BCL2: variants seen among roughly 807,000 people sequenced by gnomAD.
BCL2 encodes the protein apoptosis regulator Bcl-2.
In BCL2, 1 loss-of-function variant was observed where a neutral mutation model predicts 14.2. The ratio of observed to expected loss-of-function variants is 0.07; its 90% CI spans 0.02 to 0.33. The LOEUF (loss-of-function observed/expected upper bound fraction) is 0.33, where lower values mean the gene tolerates loss of function less well. BCL2 is among the 10% of genes least tolerant of loss of function. BCL2 has a pLI of 0.99. For synonymous variants in BCL2, 151 were observed against 137.2 expected, an observed-to-expected ratio of 1.10 and a Z score of -0.70; for missense variants, 247 against 305.9, an observed-to-expected ratio of 0.81 and a Z score of 1.44.
At chr18:63,269,053 G>T (rs571035511) in intron 2 of BCL2, among the ~76,000 whole-genome samples, 2 of 151,592 alleles carry the variant, frequency 1.3e-5, no homozygotes, top group East Asian at 3.9e-4. Flanking sequence ...GGCTCAAATG[G>T]TCTTCCTGAG....
rs181252525 is a variant in BCL2 at position 63,137,946 on chromosome 18, A to T, written c.586-9187T>A. Among the ~76,000 whole-genome samples, 673 of 152,356 alleles carry T rather than the reference A, an allele frequency of 4.4e-3. 11 individuals carry two copies. Among genetic ancestry groups the T allele is most frequent in the Admixed American group, 0.029 (450 of 15,306 alleles). ...AGACATCTATGCAAACGTAGAGACC[A>T]CTGGGTATGTCCTGATCCTAGATTC... On this transcript the variant is annotated intron_variant, in intron 2 of 2. Coordinates refer to ENST00000333681, the MANE Select transcript of BCL2 (RefSeq NM_000633.3).
intron 2 of BCL2, among the ~76,000 whole-genome samples, chr18:63,311,502 T>G (rs1282240622): frequency 2.0e-5 from 3 of 152,070 alleles, no homozygotes; most frequent in African/African-American, 7.2e-5. Flanking sequence ...CCCTGAAAAA[T>G]TAAAGCTTCA....
intron 2 of BCL2, among the ~76,000 whole-genome samples, chr18:63,135,203 G>A (rs974666903): frequency 1.3e-5 from 2 of 152,184 alleles, no homozygotes; most frequent in Non-Finnish European, 2.9e-5. Flanking sequence ...TGGTTAGAAT[G>A]CTGGCAAGCA....
At chr18:63,303,807 G>T (rs1003177081) in intron 2 of BCL2, among the ~76,000 whole-genome samples, 3 of 152,130 alleles carry the variant, frequency 2.0e-5, no homozygotes, top group Non-Finnish European at 2.9e-5. Flanking sequence ...TGAGGCCAAT[G>T]ACCAATGTTG....
At chr18:63,310,170 T>C (rs899492922) in intron 2 of BCL2, among the ~76,000 whole-genome samples, 4 of 152,138 alleles carry the variant, frequency 2.6e-5, no homozygotes, top group Admixed American at 6.5e-5. Context: ...CCCTACCCCA[T>C]ATATTTTTGA....
At chr18:63,309,169 TG>T (rs1913230802) in intron 2 of BCL2, among the ~76,000 whole-genome samples, 1 of 152,068 alleles carries the variant, frequency 6.6e-6, no homozygotes. Flanking sequence ...TGGGAAAAGG[TG>T]GGGTGCAAAC....
chr18:63,218,636 C>T, intron 2 of BCL2, among the ~76,000 whole-genome samples: 5 of 152,180 alleles, frequency 3.3e-5, no homozygotes, highest in Admixed American at 6.5e-5. Flanking sequence ...ATCCCATCCA[C>T]TCATCCCATC....
intron 2 of BCL2, among the ~76,000 whole-genome samples, chr18:63,181,552 C>T (rs1050699049): frequency 1.3e-5 from 2 of 152,214 alleles, no homozygotes; most frequent in African/African-American, 4.8e-5. Context: ...CCTAAAACAA[C>T]ATTTCAGAAC....
At chr18:63,302,960 G>T in intron 2 of BCL2, 2 of 873,204 alleles carry the variant, frequency 2.3e-6, no homozygotes, top group Non-Finnish European at 2.7e-6. Flanking sequence ...GCTGAAGGTG[G>T]GTTTGTTTTT....
rs544286988 is a variant in BCL2, at chr18:63,150,114, C to T, written c.586-21355G>A. Among the ~76,000 whole-genome samples, 3 of 152,324 alleles carry T rather than the reference C, an allele frequency of 2.0e-5. No homozygotes were observed. In the South Asian group the frequency reaches 6.2e-4, roughly 32 times the overall value. On this transcript the variant is annotated intron_variant, in intron 2 of 2. Coordinates refer to ENST00000333681, the MANE Select transcript of BCL2 (RefSeq NM_000633.3). ...GCCAGGCTGGCCTGAAACTCCTGAC[C>T]TCAAGTGATCCTCCTGACTCAGCCT...
At chr18:63,314,998 C>T (rs777012533) in intron 2 of BCL2, 1 of 152,176 alleles carries the variant, frequency 6.6e-6, no homozygotes, top group Non-Finnish European at 1.5e-5. Flanking sequence ...CCAAGTAACA[C>T]TATAGATCTT....
chr18:63,306,026 T>C (rs1437828074), intron 2 of BCL2, among the ~76,000 whole-genome samples: 1 of 152,038 alleles, frequency 6.6e-6, no homozygotes, highest in African/African-American at 2.4e-5. Flanking sequence ...AGTGAACCGA[T>C]ATGGTGCCAC....
chr18:63,150,605 A>G (rs1914629631), intron 2 of BCL2, among the ~76,000 whole-genome samples: 1 of 151,910 alleles, frequency 6.6e-6, no homozygotes, highest in African/African-American at 2.4e-5. Flanking sequence ...ACTTCTATGT[A>G]TTTTCCGTGT....
chr18:63,140,087 C>G (rs58807419), intron 2 of BCL2, among the ~76,000 whole-genome samples: 2 of 152,116 alleles, frequency 1.3e-5, no homozygotes, highest in Admixed American at 6.5e-5. Context: ...AAATGCAAAT[C>G]GAAACCACAA....
At chr18:63,190,001 T>A (rs537870803) in intron 2 of BCL2, among the ~76,000 whole-genome samples, 3 of 152,212 alleles carry the variant, frequency 2.0e-5, no homozygotes, top group Non-Finnish European at 4.4e-5. Flanking sequence ...CCAGAATACG[T>A]CACTCTTCTA....
intron 2 of BCL2, among the ~76,000 whole-genome samples, chr18:63,144,129 T>C (rs991371860): frequency 6.6e-6 from 1 of 152,230 alleles, no homozygotes; most frequent in African/African-American, 2.4e-5. Context: ...ACAGGCAACA[T>C]GTTTTTCATA....
At chr18:63,231,806 C>A (rs994567712) in intron 2 of BCL2, among the ~76,000 whole-genome samples, 1 of 151,876 alleles carries the variant, frequency 6.6e-6, no homozygotes, top group African/African-American at 2.4e-5. Flanking sequence ...TATAAAAATC[C>A]CAGAAAGGTT....
At chr18:63,240,861 C>A (rs1324184963) in intron 2 of BCL2, among the ~76,000 whole-genome samples, 2 of 152,240 alleles carry the variant, frequency 1.3e-5, no homozygotes, top group Non-Finnish European at 2.9e-5. Flanking sequence ...AAATTAGAGA[C>A]TGATGTACTT....
At position 63,318,477 on chromosome 18, in the gene BCL2, C is replaced by T. The variant is rs2144324676; in HGVS notation, c.190G>A (p.Asp64Asn). ...GHTPHPAASR[D>N]PVARTSPLQT... ...AGCGGCGAGGTCCTGGCGACCGGGT[C>T]CCGGGATGCGGCTGGATGGGGCGTG... is the stretch of plus-strand genomic sequence containing the variant. The change falls in exon 2 of 3, where the codon GAC becomes AAC. Residue 64 changes from aspartate (D) to asparagine (N), a missense_variant. Physicochemically the swap from Asp to Asn is conservative, Grantham distance 23. Transcript: ENST00000333681. This position sits in a 1 kb window ranked among gnomAD's most constrained non-coding sequence, Gnocchi z 7.4. 6.7e-7 allele frequency: 1 copy of T among 1,482,574 alleles called. No individual in the cohort carries two copies. Among genetic ancestry groups the T allele is most frequent in the East Asian group, 2.6e-5 (1 of 39,126 alleles). The allele number at this position is 1,482,574 out of a possible 1,614,324, so 91.8% of individuals were successfully genotyped here. A position where few individuals can be genotyped will look rare whatever the true frequency, so the allele number is the denominator to read the frequency against.
Sources: allele counts gnomAD v4.1 joint callset (sites outside exome capture counted in the v4.1 genomes callset), GRCh38; gene constraint gnomAD v4.1.1; non-coding constraint Gnocchi (gnomAD v3.1); transcripts MANE v1.5; gene names NCBI Gene and HGNC (gene_info 2026-07-23, HGNC 2026-07-21).